CCDC60: variants seen among roughly 807,000 people sequenced by gnomAD.
The protein encoded by CCDC60 is coiled-coil domain containing 60, also known as coiled-coil domain-containing protein 60.
In CCDC60, 54 loss-of-function variants were observed where a neutral mutation model predicts 63.5. The observed-to-expected ratio is 0.85, with a 90% CI of 0.68 to 1.07. CCDC60 has a LOEUF of 1.07. CCDC60 is among the 50% of genes least tolerant of loss of function. CCDC60 has a pLI of 0.00. For synonymous variants in CCDC60, 206 were observed against 238.8 expected (o/e 0.86, Z 1.27); for missense variants, 651 against 684.3 (o/e 0.95, Z 0.54).
chr12:119,489,900 C>T (rs566676), intron 5 of CCDC60, among the ~76,000 whole-genome samples: 1 of 151,390 alleles, frequency 6.6e-6, no homozygotes, highest in Non-Finnish European at 1.5e-5. Flanking sequence ...CGGGTTCAAG[C>T]GATTCTCCTG....
intron 1 of CCDC60, among the ~76,000 whole-genome samples, chr12:119,365,170 A>G (rs1955828660): frequency 6.6e-6 from 1 of 152,236 alleles, no homozygotes; most frequent in African/African-American, 2.4e-5. Context: ...TAGTGGTCAT[A>G]GCAGGATTCG....
intron 1 of CCDC60, among the ~76,000 whole-genome samples, chr12:119,336,384 A>G (rs1159058760): frequency 6.6e-6 from 1 of 152,250 alleles, no homozygotes; most frequent in East Asian, 1.9e-4. Context: ...CGCGAACCAG[A>G]TCAGTGAGCT....
At chr12:119,457,793 A>T (rs1950775527) in intron 2 of CCDC60, among the ~76,000 whole-genome samples, 3 of 152,244 alleles carry the variant, frequency 2.0e-5, no homozygotes, top group Admixed American at 2.0e-4. Flanking sequence ...AGTTGACTGA[A>T]GTTCAATTAC....
At chr12:119,534,349 T>C (rs1365232816) in intron 13 of CCDC60, among the ~76,000 whole-genome samples, 1 of 152,198 alleles carries the variant, frequency 6.6e-6, no homozygotes, top group African/African-American at 2.4e-5. Context: ...TATACAATCA[T>C]GTCATCTGCA....
chr12:119,497,578 T>C (rs1039595491), intron 5 of CCDC60, among the ~76,000 whole-genome samples: 2 of 152,186 alleles, frequency 1.3e-5, no homozygotes, highest in African/African-American at 2.4e-5. Context: ...ATCTTCCCGA[T>C]TGGACCTGAA....
chr12:119,392,741 G>A (rs1956182059), intron 1 of CCDC60, among the ~76,000 whole-genome samples: 1 of 152,242 alleles, frequency 6.6e-6, no homozygotes, highest in South Asian at 2.1e-4. Context: ...CCATGGCAAT[G>A]TATGAACCAC....
At chr12:119,536,221 G>C (rs546291021) in intron 13 of CCDC60, among the ~76,000 whole-genome samples, 3 of 152,234 alleles carry the variant, frequency 2.0e-5, no homozygotes, top group African/African-American at 7.2e-5. Flanking sequence ...TGTTTTATCA[G>C]AGACTAGAAT....
intron 2 of CCDC60, among the ~76,000 whole-genome samples, chr12:119,469,452 G>A (rs1286182907): frequency 6.6e-6 from 1 of 152,106 alleles, no homozygotes; most frequent in Non-Finnish European, 1.5e-5. Flanking sequence ...TAGAAATGGG[G>A]TTTCATCATG....
At chr12:119,434,278 C>CTT (rs57196100) in intron 2 of CCDC60, among the ~76,000 whole-genome samples, 66,905 of 150,676 alleles carry the variant, frequency 0.44, 15,043 homozygotes, top group South Asian at 0.65. Flanking sequence ...AGAAGCTATT[C>CTT]TTTTTTTTTG....
rs747663726 is a variant in CCDC60 at position 119,456,001 on chromosome 12, G to GAAAGAGAAAGAAAAAGAAAGAAAGAA, written c.171-15992_171-15991insAAGAGAAAGAAAAAGAAAGAAAGAAA. ...AGGGAGAGAGAAAGAGAGAGAGAAAGAGAAAGAAAGAAAGAAAGAAAGAAA... is the reference window on the plus strand; with the variant it reads ...AGGGAGAGAGAAAGAGAGAGAGAAAGAAAGAGAAAGAAAAAGAAAGAAAGAAAGAAAGAAAGAAAGAAAGAAAGAAA... On this transcript the variant is annotated intron_variant, in intron 2 of 13. Transcript: ENST00000327554. The surrounding 1 kb of genome is among the most constrained non-coding windows in gnomAD (Gnocchi z 4.6). 3.9e-5 allele frequency among the ~76,000 whole-genome samples: 2 copies of GAAAGAGAAAGAAAAAGAAAGAAAGAA among 51,112 alleles called. No homozygotes were observed. Among genetic ancestry groups the GAAAGAGAAAGAAAAAGAAAGAAAGAA allele is most frequent in the Admixed American group, 2.6e-4 (1 of 3,854 alleles). 33.5% of individuals were successfully genotyped at this position (51,112 alleles called of 152,430 possible). A position where few individuals can be genotyped will look rare whatever the true frequency, so the allele number is the denominator to read the frequency against.
chr12:119,482,444 C>T (rs1810367556), intron 4 of CCDC60, among the ~76,000 whole-genome samples: 1 of 151,978 alleles, frequency 6.6e-6, no homozygotes, highest in Non-Finnish European at 1.5e-5. Flanking sequence ...CTTTGCTGAC[C>T]AGGTGGTATT....
chr12:119,427,745 G>T (rs111305222), intron 1 of CCDC60, among the ~76,000 whole-genome samples: 4 of 152,114 alleles, frequency 2.6e-5, no homozygotes, highest in African/African-American at 9.6e-5. Flanking sequence ...AAAATCCTAA[G>T]GTGCAGGAAA....
Position 119,488,983 on chromosome 12 carries a change from C to T in CCDC60, c.557+117C>T, listed in dbSNP as rs965006508. On this transcript the variant is annotated intron_variant, in intron 5 of 13. Transcript: ENST00000327554. ...TTTTGGTAGGTGGGCTGTTTCAGTT[C>T]CTCTTCTATGTGCTCTGTGGGATCT... The T allele has an allele frequency of 9.6e-5, 77 of 801,988 alleles. No individual in the cohort carries two copies. The Middle Eastern group carries it at 1.2e-3, about 13-fold the overall frequency. 49.7% of individuals were successfully genotyped at this position (801,988 alleles called of 1,614,324 possible).
At chr12:119,367,609 A>T (rs939091180) in intron 1 of CCDC60, among the ~76,000 whole-genome samples, 4 of 152,192 alleles carry the variant, frequency 2.6e-5, no homozygotes, top group African/African-American at 9.7e-5. Context: ...GGTCAACATG[A>T]CAGCTCTGCC....
At chr12:119,355,929 A>G (rs914551539) in intron 1 of CCDC60, among the ~76,000 whole-genome samples, 1 of 152,020 alleles carries the variant, frequency 6.6e-6, no homozygotes, top group Non-Finnish European at 1.5e-5. Context: ...AACTGCTTCC[A>G]CCTTGTCCCT....
chr12:119,492,577 T>C (rs1339902952), intron 5 of CCDC60, among the ~76,000 whole-genome samples: 1 of 152,180 alleles, frequency 6.6e-6, no homozygotes, highest in African/African-American at 2.4e-5. Context: ...GCAGTGTGAA[T>C]TTCCCCAAAT....
At chr12:119,514,422 C>T (rs568539358) in intron 7 of CCDC60, among the ~76,000 whole-genome samples, 124 of 150,532 alleles carry the variant, frequency 8.2e-4, no homozygotes, top group Non-Finnish European at 1.6e-3. Flanking sequence ...CTCCCATCAT[C>T]AGGTGATCCA....
chr12:119,385,821 G>A (rs887422905), intron 1 of CCDC60, among the ~76,000 whole-genome samples: 9 of 152,102 alleles, frequency 5.9e-5, no homozygotes, highest in African/African-American at 1.2e-4. Context: ...CTCCCCCTCC[G>A]TGCCCCTTCA....
chr12:119,524,638 A>C (rs1019057651), intron 11 of CCDC60: 9 of 167,596 alleles, frequency 5.4e-5, no homozygotes, highest in African/African-American at 1.9e-4. Context: ...CAGCCTGAAC[A>C]CAAAAGGGAT....
Sources: allele counts gnomAD v4.1 joint callset (sites outside exome capture counted in the v4.1 genomes callset), GRCh38; gene constraint gnomAD v4.1.1; non-coding constraint Gnocchi (gnomAD v3.1); transcripts MANE v1.5; gene names NCBI Gene and HGNC (gene_info 2026-07-23, HGNC 2026-07-21).